The following RAB38 variants were observed in gnomAD, a reference collection of about 807,000 sequenced individuals.
RAB38 encodes the protein ras-related protein Rab-38.
Under a neutral mutation model 18.4 loss-of-function variants are expected in RAB38, and 15 were observed. The observed-to-expected ratio is 0.82, with a 90% CI of 0.55 to 1.26. The LOEUF (loss-of-function observed/expected upper bound fraction) is 1.26. RAB38 is among the 50% of genes most tolerant of loss of function. The pLI, the probability that RAB38 is intolerant of heterozygous loss-of-function variation, is 0.00. For missense variants in RAB38, 294 were observed against 267.4 expected, an observed-to-expected ratio of 1.10 and a Z score of -0.69; for synonymous variants, 101 against 104.4, an observed-to-expected ratio of 0.97 and a Z score of 0.20.
the RAB38 span, among the ~76,000 whole-genome samples, chr11:88,091,316 G>A: frequency 6.6e-6 from 1 of 151,998 alleles, no homozygotes; most frequent in Non-Finnish European, 1.5e-5. Flanking sequence ...AGGGACCAGT[G>A]ACCTGATAGC....
chr11:87,926,436 C>T, the RAB38 span, among the ~76,000 whole-genome samples: 1 of 152,072 alleles, frequency 6.6e-6, no homozygotes, highest in Non-Finnish European at 1.5e-5. Context: ...CTTTCTGTGC[C>T]TCATCTGTAA....
the RAB38 span, among the ~76,000 whole-genome samples, chr11:87,905,788 T>C: frequency 6.6e-6 from 1 of 151,954 alleles, no homozygotes; most frequent in African/African-American, 2.4e-5. Flanking sequence ...AAAGACTAAA[T>C]AGGAGTCTTA....
intron 1 of RAB38, among the ~76,000 whole-genome samples, chr11:88,157,046 T>C (rs930083306): frequency 1.3e-5 from 2 of 152,194 alleles, no homozygotes; most frequent in Non-Finnish European, 2.9e-5. Context: ...AGGCACAGAA[T>C]GGCAAGTCAG....
At chr11:87,964,046 T>G in the RAB38 span, among the ~76,000 whole-genome samples, 1 of 152,150 alleles carries the variant, frequency 6.6e-6, no homozygotes, top group Non-Finnish European at 1.5e-5. Context: ...CAGTAAGTCC[T>G]CCAAAAATGG....
At chr11:88,010,050 G>A in the RAB38 span, among the ~76,000 whole-genome samples, 5 of 152,094 alleles carry the variant, frequency 3.3e-5, no homozygotes, top group South Asian at 1.0e-3. Context: ...TATGAAACAA[G>A]GTTCTGACTG....
the RAB38 span, among the ~76,000 whole-genome samples, chr11:87,917,228 G>A: frequency 1.3e-5 from 2 of 152,074 alleles, no homozygotes; most frequent in Non-Finnish European, 2.9e-5. Flanking sequence ...CACCGTGCGT[G>A]GGGTATTGTG....
the RAB38 span, among the ~76,000 whole-genome samples, chr11:87,976,780 A>T: frequency 1.1e-5 from 1 of 92,970 alleles, no homozygotes; most frequent in Non-Finnish European, 2.0e-5. Context: ...ATATATTTAT[A>T]TATTATATAA....
chr11:87,933,707 CAA>C, the RAB38 span, among the ~76,000 whole-genome samples: 35 of 122,810 alleles, frequency 2.8e-4, no homozygotes, highest in Non-Finnish European at 3.4e-4. Flanking sequence ...TGCATGGAGC[CAA>C]AAAAAAAAAA....
At chr11:87,975,295 A>G in the RAB38 span, among the ~76,000 whole-genome samples, 96,143 of 151,600 alleles carry the variant, frequency 0.63, 30,706 homozygotes, top group East Asian at 0.73. Context: ...CATGAATTTT[A>G]GGCGGATACG....
the RAB38 span, among the ~76,000 whole-genome samples, chr11:87,933,127 T>C: frequency 6.6e-6 from 1 of 152,008 alleles, no homozygotes; most frequent in Non-Finnish European, 1.5e-5. Flanking sequence ...TGACTCAAGT[T>C]CCAGATTAGC....
chr11:88,120,787 C>G (rs978884731), intron 2 of RAB38, among the ~76,000 whole-genome samples: 6 of 152,020 alleles, frequency 3.9e-5, no homozygotes, highest in African/African-American at 1.5e-4. Context: ...AGCCTTATAC[C>G]TCCTAGGTCT....
the RAB38 span, among the ~76,000 whole-genome samples, chr11:87,878,222 TACACAC>T: frequency 6.5e-4 from 75 of 115,826 alleles, no homozygotes; most frequent in African/African-American, 2.1e-3. Flanking sequence ...TATATATATA[TACACAC>T]ATATATATAC....
At chr11:88,035,833 G>A in the RAB38 span, among the ~76,000 whole-genome samples, 2 of 151,944 alleles carry the variant, frequency 1.3e-5, no homozygotes, top group Non-Finnish European at 1.5e-5. Context: ...AAAAATAGTG[G>A]TGCTGATCTA....
chr11:88,151,648 T>C (rs570547479), intron 1 of RAB38, among the ~76,000 whole-genome samples: 4 of 152,350 alleles, frequency 2.6e-5, no homozygotes, highest in South Asian at 4.1e-4. Context: ...TAGGAAAATA[T>C]AGGTTAACAT....
At chr11:87,878,262 CT>C in the RAB38 span, among the ~76,000 whole-genome samples, 119 of 98,816 alleles carry the variant, frequency 1.2e-3, 1 homozygote, top group South Asian at 0.011. Flanking sequence ...ATCTATCTAT[CT>C]ATCTATCTAT....
chr11:88,156,207 A>G (rs1207939638), intron 1 of RAB38, among the ~76,000 whole-genome samples: 1 of 152,220 alleles, frequency 6.6e-6, no homozygotes, highest in African/African-American at 2.4e-5. Flanking sequence ...CAAAATGAAC[A>G]TCACTAAGGC....
chr11:88,097,985 G>C, the RAB38 span: 12 of 151,824 alleles, frequency 7.9e-5, no homozygotes, highest in Non-Finnish European at 1.2e-4. Context: ...AGCCTCTCTA[G>C]GAAGCCATTA....
the RAB38 span, among the ~76,000 whole-genome samples, chr11:88,010,824 C>A: frequency 5.9e-5 from 9 of 152,158 alleles, no homozygotes; most frequent in African/African-American, 2.2e-4. Flanking sequence ...TAATCTCAAC[C>A]CTTTTACCTT....
chr11:87,814,168 G>A, the RAB38 span, among the ~76,000 whole-genome samples: 1 of 152,250 alleles, frequency 6.6e-6, no homozygotes, highest in East Asian at 1.9e-4. Context: ...ACTCCCGAGT[G>A]GGATGATGAT....
Sources: allele counts gnomAD v4.1 joint callset (sites outside exome capture counted in the v4.1 genomes callset), GRCh38; gene constraint gnomAD v4.1.1; transcripts MANE v1.5; gene names NCBI Gene and HGNC (gene_info 2026-07-23, HGNC 2026-07-21).